Variants in TPD52 observed in about 807,000 individuals in gnomAD.
TPD52 encodes prostate and colon associated protein.
In TPD52, 17 loss-of-function variants were observed where a neutral mutation model predicts 31.3. The ratio of observed to expected loss-of-function variants is 0.54; its 90% CI spans 0.37 to 0.82. The LOEUF is 0.82. TPD52 is among the 40% of genes least tolerant of loss of function. TPD52 has a pLI of 0.00. For synonymous variants in TPD52, 83 were observed against 89.6 expected, an observed-to-expected ratio of 0.93 and a Z score of 0.42; for missense variants, 212 against 240.1, an observed-to-expected ratio of 0.88 and a Z score of 0.77.
chr8:80,096,764 A>G (rs1210034213), intron 1 of TPD52, among the ~76,000 whole-genome samples: 1 of 152,158 alleles, frequency 6.6e-6, no homozygotes, highest in African/African-American at 2.4e-5. Flanking sequence ...CTGTTCCACA[A>G]ACTGGCCATT....
intron 5 of TPD52, among the ~76,000 whole-genome samples, chr8:80,045,293 C>T (rs1586143784): frequency 6.6e-6 from 1 of 152,214 alleles, no homozygotes; most frequent in African/African-American, 2.4e-5. Flanking sequence ...CTAAGTATCA[C>T]CTGTTCTTCC....
chr8:80,089,339 T>A (rs1816074821), intron 1 of TPD52, among the ~76,000 whole-genome samples: 1 of 152,084 alleles, frequency 6.6e-6, no homozygotes, highest in Non-Finnish European at 1.5e-5. Flanking sequence ...ACCGCATTAA[T>A]GAAGATGGTG....
At chr8:80,105,237 G>A (rs2130949232) in intron 1 of TPD52, among the ~76,000 whole-genome samples, 1 of 152,074 alleles carries the variant, frequency 6.6e-6, no homozygotes, top group South Asian at 2.1e-4. Flanking sequence ...CCCAATTTCT[G>A]CCTCCAAAGA....
chr8:80,038,218 G>C lies in TPD52; in HGVS notation c.522C>G (p.Thr174=), dbSNP rs1229883087. Residue 174 remains threonine (T), a synonymous_variant, in exon 8 of 8, where the codon ACC becomes ACG. Coordinates refer to ENST00000518937, the MANE Select transcript of TPD52 (RefSeq NM_001025253.3). ...VENLKSKVGG[T]KPAGGDFGEV... is the part of the protein sequence containing the mutation. ...CTCCAAAATCACCACCAGCAGGCTT[G>C]GTTCCCCCTACTTTAGACTTAAAAA... 7 of 1,613,934 alleles carry C rather than the reference G, an allele frequency of 4.3e-6. No individual in the cohort carries two copies. The highest frequency in any genetic ancestry group is 5.9e-6 in the Non-Finnish European group (7 of 1,179,908).
intron 5 of TPD52, 36 bp from the exon 6 acceptor site, chr8:80,044,244 T>A: frequency 6.6e-7 from 1 of 1,519,956 alleles, no homozygotes; most frequent in Non-Finnish European, 8.9e-7. Context: ...AGAAATAAGG[T>A]TAGTATAGTG....
At chr8:80,163,593 C>T (rs556273675) in intron 1 of TPD52, among the ~76,000 whole-genome samples, 2 of 152,192 alleles carry the variant, frequency 1.3e-5, no homozygotes, top group South Asian at 2.1e-4. Context: ...CATTTAAAAA[C>T]GATTAAGATG....
intron 1 of TPD52, among the ~76,000 whole-genome samples, chr8:80,074,168 A>C (rs1814246798): frequency 6.6e-6 from 1 of 152,256 alleles, no homozygotes; most frequent in Non-Finnish European, 1.5e-5. Context: ...AATAACTTTA[A>C]GACCGGAGTC....
At chr8:80,114,628 AC>A (rs1287348060) in intron 1 of TPD52, among the ~76,000 whole-genome samples, 1 of 152,156 alleles carries the variant, frequency 6.6e-6, no homozygotes, top group Non-Finnish European at 1.5e-5. Context: ...GCCCTAACTG[AC>A]CTTTCCATCC....
intron 1 of TPD52, among the ~76,000 whole-genome samples, chr8:80,154,366 CT>C (rs1810782889): frequency 6.6e-6 from 1 of 152,180 alleles, no homozygotes; most frequent in African/African-American, 2.4e-5. Flanking sequence ...GAGTCGAACC[CT>C]CCCTGGTGGC....
At chr8:80,117,828 G>T (rs1807977487) in intron 1 of TPD52, among the ~76,000 whole-genome samples, 1 of 150,548 alleles carries the variant, frequency 6.6e-6, no homozygotes, top group South Asian at 2.1e-4. Context: ...CACCTCCCAG[G>T]TTCAAGCGAT....
intron 1 of TPD52, among the ~76,000 whole-genome samples, chr8:80,131,747 G>A (rs1271886101): frequency 1.3e-5 from 2 of 152,168 alleles, no homozygotes; most frequent in African/African-American, 2.4e-5. Flanking sequence ...GCCGCTCACA[G>A]CCACACACCC....
At chr8:80,169,137 A>G (rs1371463202) in intron 1 of TPD52, among the ~76,000 whole-genome samples, 1 of 152,146 alleles carries the variant, frequency 6.6e-6, no homozygotes, top group East Asian at 1.9e-4. Context: ...GGCCGGTGCC[A>G]CCGCGCCGAG....
chr8:80,118,322 G>C (rs1418347113), intron 1 of TPD52, among the ~76,000 whole-genome samples: 1 of 152,116 alleles, frequency 6.6e-6, no homozygotes, highest in East Asian at 1.9e-4. Flanking sequence ...TAAATGTAAG[G>C]GTTTAAACTA....
chr8:80,130,162 T>C (rs900041486), intron 1 of TPD52, among the ~76,000 whole-genome samples: 1 of 151,360 alleles, frequency 6.6e-6, no homozygotes, highest in African/African-American at 2.4e-5. Context: ...GAAGAGGAGG[T>C]GGAGGGAAAG....
At chr8:80,094,185 G>A (rs1816511429) in intron 1 of TPD52, among the ~76,000 whole-genome samples, 1 of 151,784 alleles carries the variant, frequency 6.6e-6, no homozygotes, top group Non-Finnish European at 1.5e-5. Flanking sequence ...GAGAGCATGG[G>A]ATGGAAAAAT....
intron 2 of TPD52, among the ~76,000 whole-genome samples, chr8:80,059,344 T>G (rs1316726615): frequency 2.6e-5 from 4 of 151,680 alleles, no homozygotes; most frequent in African/African-American, 9.7e-5. Context: ...ATGCCTACAT[T>G]AAAAAAAATC....
chr8:80,097,600 C>T (rs116745023), intron 1 of TPD52, among the ~76,000 whole-genome samples: 107 of 152,288 alleles, frequency 7.0e-4, no homozygotes, highest in African/African-American at 2.4e-3. Flanking sequence ...CTAAGACGTC[C>T]CTGCTTCCCC....
chr8:80,129,964 C>T (rs865872516), intron 1 of TPD52, among the ~76,000 whole-genome samples: 3 of 152,238 alleles, frequency 2.0e-5, no homozygotes, highest in South Asian at 2.1e-4. Context: ...TCCCAAAGTG[C>T]TGGGATTACA....
intron 1 of TPD52, among the ~76,000 whole-genome samples, chr8:80,123,376 T>C (rs1232127319): frequency 6.6e-6 from 1 of 152,122 alleles, no homozygotes; most frequent in Non-Finnish European, 1.5e-5. Flanking sequence ...AAAATGACTC[T>C]CAAGACAAGG....
Sources: allele counts gnomAD v4.1 joint callset (sites outside exome capture counted in the v4.1 genomes callset), GRCh38; gene constraint gnomAD v4.1.1; transcripts MANE v1.5; gene names NCBI Gene and HGNC (gene_info 2026-07-23, HGNC 2026-07-21).